The following JARID2 variants were observed in gnomAD, a reference collection of about 807,000 sequenced individuals.
JARID2 encodes protein Jumonji.
JARID2 carries 21 observed loss-of-function variants against 125.6 expected under a neutral mutation model. That is an observed-to-expected ratio of 0.17 (90% CI 0.12 to 0.24). JARID2 has a LOEUF of 0.24. Ranked by LOEUF, JARID2 falls within the 10% of genes least tolerant of loss-of-function variation. The pLI, the probability that JARID2 is intolerant of heterozygous loss-of-function variation, is 1.00. For missense variants in JARID2, 1,303 were observed against 1,639.6 expected, an observed-to-expected ratio of 0.79 and a Z score of 3.55; for synonymous variants, 736 against 661.6, an observed-to-expected ratio of 1.11 and a Z score of -1.73.
rs571842024 is a variant in JARID2, at chr6:15,491,351, GC to G, written c.906+3810del. On this transcript the variant is annotated intron_variant, in intron 6 of 17. Coordinates refer to ENST00000341776, the MANE Select transcript of JARID2 (RefSeq NM_004973.4). Reference sequence around the variant, plus strand: ...CCTTGGCCTTGGCCTTGGCTAGGAGGCTCCTGCCCATCTGCTGCTGCGGTCA... The same window carrying G: ...CCTTGGCCTTGGCCTTGGCTAGGAGGTCCTGCCCATCTGCTGCTGCGGTCA... Among the ~76,000 whole-genome samples, 338 of 152,264 alleles carry G rather than the reference GC, an allele frequency of 2.2e-3. 5 individuals are homozygous for G. Among genetic ancestry groups the G allele is most frequent in the Non-Finnish European group, 6.9e-4 (47 of 68,018 alleles).
chr6:15,426,075 A>C (rs1766713444), intron 3 of JARID2, among the ~76,000 whole-genome samples: 1 of 152,186 alleles, frequency 6.6e-6, no homozygotes, highest in Non-Finnish European at 1.5e-5. Flanking sequence ...AGCTGGGTGC[A>C]GTGCAGTTAT....
intron 4 of JARID2, among the ~76,000 whole-genome samples, chr6:15,461,362 C>T (rs764001339): frequency 3.9e-5 from 6 of 152,138 alleles, no homozygotes; most frequent in Non-Finnish European, 7.3e-5. Flanking sequence ...ACCCTAATGT[C>T]GGGAATTTCC....
At chr6:15,380,096 C>T (rs561559182) in intron 2 of JARID2, among the ~76,000 whole-genome samples, 14 of 150,178 alleles carry the variant, frequency 9.3e-5, no homozygotes, top group African/African-American at 2.5e-4. Context: ...AGTGTAATGG[C>T]GCAATCTCTG....
chr6:15,289,778 G>A (rs1406594642), intron 1 of JARID2, among the ~76,000 whole-genome samples: 3 of 152,132 alleles, frequency 2.0e-5, no homozygotes, highest in Non-Finnish European at 4.4e-5. Flanking sequence ...CCCAGGAGGC[G>A]GAGGTTGCAG....
At chr6:15,276,700 T>C (rs1368379131) in intron 1 of JARID2, among the ~76,000 whole-genome samples, 1 of 152,148 alleles carries the variant, frequency 6.6e-6, no homozygotes, top group Non-Finnish European at 1.5e-5. Flanking sequence ...TCCTTTTTGT[T>C]ATGGAAATAA....
At chr6:15,272,040 G>T (rs148547930) in intron 1 of JARID2, among the ~76,000 whole-genome samples, 2 of 152,010 alleles carry the variant, frequency 1.3e-5, no homozygotes, top group Non-Finnish European at 2.9e-5. Context: ...CATGAGAATC[G>T]CTTGAACCCA....
chr6:15,263,376 C>G (rs925886198), intron 1 of JARID2, among the ~76,000 whole-genome samples: 3 of 151,870 alleles, frequency 2.0e-5, no homozygotes, highest in African/African-American at 7.3e-5. Context: ...AGAAATTATC[C>G]CTGATTTTCT....
rs531785112 is a variant in JARID2, at chr6:15,479,371, C to T, written c.671-7936C>T. Among the ~76,000 whole-genome samples the T allele has an allele frequency of 5.3e-5, 8 of 152,200 alleles. No homozygotes were observed. In the East Asian group the frequency reaches 9.6e-4, roughly 18 times the overall value. ...CATAAAAGTCTTTTAATTTTAGTGT[C>T]GTATGTTAGCAGGAATATATGTAAG... On this transcript the variant is annotated intron_variant, in intron 5 of 17. Coordinates refer to ENST00000341776, the MANE Select transcript of JARID2 (RefSeq NM_004973.4).
chr6:15,343,207 C>T (rs1467378083), intron 1 of JARID2, among the ~76,000 whole-genome samples: 7 of 106,322 alleles, frequency 6.6e-5, no homozygotes, highest in South Asian at 3.4e-4. Context: ...CCAGCCTGGG[C>T]GACAAGAACG....
chr6:15,450,059 G>T (rs1767850538), intron 3 of JARID2, among the ~76,000 whole-genome samples: 1 of 152,066 alleles, frequency 6.6e-6, no homozygotes. Flanking sequence ...AAATGTTACA[G>T]CATTTTGAGC....
chr6:15,424,364 T>A (rs1209953771), intron 3 of JARID2, among the ~76,000 whole-genome samples: 1 of 152,198 alleles, frequency 6.6e-6, no homozygotes, highest in Non-Finnish European at 1.5e-5. Context: ...CCTCCAAATG[T>A]TGTGGCTTAG....
At chr6:15,363,018 G>A (rs543999782) in intron 1 of JARID2, among the ~76,000 whole-genome samples, 2 of 152,246 alleles carry the variant, frequency 1.3e-5, no homozygotes, top group South Asian at 4.2e-4. Flanking sequence ...AGATGATTTA[G>A]TAGTTATCAG....
intron 1 of JARID2, among the ~76,000 whole-genome samples, chr6:15,315,316 T>C (rs1367696824): frequency 6.6e-6 from 1 of 152,210 alleles, no homozygotes; most frequent in Non-Finnish European, 1.5e-5. Context: ...CTAGGGAGGA[T>C]GAGAGATGTC....
At chr6:15,456,599 T>C (rs1177224486) in intron 4 of JARID2, among the ~76,000 whole-genome samples, 2 of 152,032 alleles carry the variant, frequency 1.3e-5, no homozygotes, top group African/African-American at 2.4e-5. Flanking sequence ...CATTTTTTTT[T>C]CCCGGGAGGA....
intron 1 of JARID2, among the ~76,000 whole-genome samples, chr6:15,364,598 T>G (rs1763911126): frequency 6.6e-6 from 1 of 152,224 alleles, no homozygotes; most frequent in South Asian, 2.1e-4. Context: ...CTTTGAATAG[T>G]TCTTGCCTGC....
intron 2 of JARID2, among the ~76,000 whole-genome samples, chr6:15,388,481 T>C (rs1764872405): frequency 6.6e-6 from 1 of 152,012 alleles, no homozygotes; most frequent in Middle Eastern, 3.4e-3. Context: ...CAGATTTAGC[T>C]TCTTCATAAT....
At chr6:15,352,742 T>C (rs932463917) in intron 1 of JARID2, among the ~76,000 whole-genome samples, 1 of 152,144 alleles carries the variant, frequency 6.6e-6, no homozygotes, top group African/African-American at 2.4e-5. Flanking sequence ...AACCTCTGCT[T>C]TTCCCCCCTC....
At position 15,273,930 on chromosome 6, in the gene JARID2, C is replaced by CTT. The variant is rs71758457; in HGVS notation, c.45+27361_45+27362dup. ...TTTCTCTGAAAAATTTTGTCTATATCTTTTTTTTTTTTTTTTAAGATGGAG... is the reference window on the plus strand; with the variant it reads ...TTTCTCTGAAAAATTTTGTCTATATCTTTTTTTTTTTTTTTTTTAAGATGGAG... On this transcript the variant is annotated intron_variant, in intron 1 of 17. Coordinates refer to ENST00000341776, the MANE Select transcript of JARID2 (RefSeq NM_004973.4). Among the ~76,000 whole-genome samples, 370 of 141,880 alleles carry CTT rather than the reference C, an allele frequency of 2.6e-3. 4 individuals carry two copies. The highest frequency in any genetic ancestry group is 8.8e-3 in the African/African-American group (339 of 38,452). The allele number at this position is 141,880 out of a possible 152,430, so 93.1% of individuals were successfully genotyped here. A position where few individuals can be genotyped will look rare whatever the true frequency, so the allele number is the denominator to read the frequency against.
chr6:15,519,816 T>G (rs1045247320), intron 17 of JARID2, among the ~76,000 whole-genome samples: 1 of 152,120 alleles, frequency 6.6e-6, no homozygotes, highest in Admixed American at 6.5e-5. Flanking sequence ...CCTGCCCTTA[T>G]GAGCAGGCAA....
Sources: allele counts gnomAD v4.1 joint callset (sites outside exome capture counted in the v4.1 genomes callset), GRCh38; gene constraint gnomAD v4.1.1; transcripts MANE v1.5; gene names NCBI Gene and HGNC (gene_info 2026-07-23, HGNC 2026-07-21).